WBP1L: variants seen among roughly 807,000 people sequenced by gnomAD.
WBP1L encodes the protein WW domain binding protein 1 like.
In WBP1L, 17 loss-of-function variants were observed where a neutral mutation model predicts 33.7. The observed-to-expected ratio is 0.50, with a 90% CI of 0.34 to 0.76. The LOEUF is 0.76. Among genes scored for constraint, WBP1L ranks in the 30% least tolerant of loss-of-function variants. The pLI, the probability that WBP1L is intolerant of heterozygous loss-of-function variation, is 0.01. For synonymous variants in WBP1L, 173 were observed against 190.8 expected (o/e 0.91, Z 0.77); for missense variants, 389 against 469.4 (o/e 0.83, Z 1.58).
At position 102,760,878 on chromosome 10, in the gene WBP1L, C is replaced by T. The variant is rs376905931; in HGVS notation, c.90+16735C>T. On this transcript the variant is annotated intron_variant, in intron 1 of 3. Transcript: ENST00000448841. ...CCAATATATAAATTGCAAATGTTTTCTCCCGTTCTGTTTTGCCCCCACTTT... is the reference window on the plus strand; with the variant it reads ...CCAATATATAAATTGCAAATGTTTTTTCCCGTTCTGTTTTGCCCCCACTTT... Among the ~76,000 whole-genome samples, 70 of 152,192 alleles carry T rather than the reference C, an allele frequency of 4.6e-4. No individual in the cohort carries two copies. The East Asian group carries it at 9.3e-3, about 20-fold the overall frequency.
At chr10:102,781,002 A>G (rs1843327522) in intron 1 of WBP1L, among the ~76,000 whole-genome samples, 1 of 152,210 alleles carries the variant, frequency 6.6e-6, no homozygotes, top group African/African-American at 2.4e-5. Flanking sequence ...AATAATACCC[A>G]TCAAAGCCCT....
chr10:102,787,494 G>A (rs538079020), intron 1 of WBP1L, among the ~76,000 whole-genome samples: 2 of 151,976 alleles, frequency 1.3e-5, no homozygotes, highest in African/African-American at 4.8e-5. Context: ...AGGCTGAGGT[G>A]GGAGGATTGC....
intron 1 of WBP1L, among the ~76,000 whole-genome samples, chr10:102,777,005 C>T (rs1183064415): frequency 6.6e-6 from 1 of 152,030 alleles, no homozygotes; most frequent in Admixed American, 6.6e-5. Context: ...CAAAAAGACC[C>T]CTGTGGCAGA....
chr10:102,763,076 T>C (rs772041323), intron 1 of WBP1L, among the ~76,000 whole-genome samples: 2 of 151,898 alleles, frequency 1.3e-5, no homozygotes, highest in Non-Finnish European at 1.5e-5. Flanking sequence ...GTGTGGCTCA[T>C]GCCTGTTGTC....
intron 1 of WBP1L, among the ~76,000 whole-genome samples, chr10:102,747,102 C>T (rs757679098): frequency 3.3e-5 from 5 of 151,974 alleles, no homozygotes; most frequent in Non-Finnish European, 5.9e-5. Flanking sequence ...GGTGGCTCAC[C>T]CCTGTAATCC....
rs973911961 is a variant in WBP1L at position 102,772,694 on chromosome 10, C to T, written c.91-25299C>T. Among the ~76,000 whole-genome samples, 14 of 149,748 alleles carry T rather than the reference C, an allele frequency of 9.3e-5. 1 individual carries two copies. The highest frequency in any genetic ancestry group is 1.5e-4 in the African/African-American group (6 of 39,944). ...AAGTGTCCCTCCCACCTCAGCTTCC[C>T]GAGTAGCTGAGACAACAGGCATGTG... is the stretch of plus-strand genomic sequence containing the variant. On this transcript the variant is annotated intron_variant, in intron 1 of 3. Transcript: ENST00000448841.
At chr10:102,811,126 GCCGGGCTCAGTGGCTCACA>G (rs199550612) in intron 3 of WBP1L, among the ~76,000 whole-genome samples, 1 of 152,010 alleles carries the variant, frequency 6.6e-6, no homozygotes, top group East Asian at 1.9e-4. Context: ...ACAATTGTGG[GCCGGGCTCAGTGGCTCACA>G]CCGGGCTCGG....
At chr10:102,783,283 C>T (rs370611248) in intron 1 of WBP1L, among the ~76,000 whole-genome samples, 19 of 152,194 alleles carry the variant, frequency 1.2e-4, no homozygotes, top group Middle Eastern at 3.2e-3. Flanking sequence ...GGTTCATTCT[C>T]GCACTGGTCA....
intron 1 of WBP1L, among the ~76,000 whole-genome samples, chr10:102,795,806 G>C (rs1240313211): frequency 6.6e-6 from 1 of 152,192 alleles, no homozygotes; most frequent in Non-Finnish European, 1.5e-5. Flanking sequence ...GAAACTTTCT[G>C]ATGTTTTTAT....
chr10:102,797,025 A>G (rs994429681), intron 1 of WBP1L, among the ~76,000 whole-genome samples: 7 of 152,220 alleles, frequency 4.6e-5, no homozygotes, highest in Non-Finnish European at 7.3e-5. Context: ...AAGGGACAGT[A>G]TGAATCCTGG....
At chr10:102,755,095 G>A (rs984399527) in intron 1 of WBP1L, among the ~76,000 whole-genome samples, 2 of 150,596 alleles carry the variant, frequency 1.3e-5, no homozygotes, top group South Asian at 2.1e-4. Flanking sequence ...GATTACAGGT[G>A]CGCACCACCA....
At chr10:102,756,911 AGAGTCTCGATCTGTT>A (rs1219684214) in intron 1 of WBP1L, among the ~76,000 whole-genome samples, 1 of 149,002 alleles carries the variant, frequency 6.7e-6, no homozygotes, top group East Asian at 2.0e-4. Context: ...TCTTTGAGAC[AGAGTCTCGATCTGTT>A]GCCCAGGCTG....
At chr10:102,779,852 G>C (rs773850448) in intron 1 of WBP1L, among the ~76,000 whole-genome samples, 1 of 152,254 alleles carries the variant, frequency 6.6e-6, no homozygotes, top group Non-Finnish European at 1.5e-5. Context: ...CTGAGAAGCC[G>C]ATATCTGATC....
At chr10:102,752,404 C>T (rs1842932954) in intron 1 of WBP1L, among the ~76,000 whole-genome samples, 1 of 152,152 alleles carries the variant, frequency 6.6e-6, no homozygotes, top group Non-Finnish European at 1.5e-5. Context: ...CTTTGATATG[C>T]CGAATCTCAC....
intron 1 of WBP1L, among the ~76,000 whole-genome samples, chr10:102,792,681 A>T (rs284842): frequency 0.52 from 77,771 of 148,854 alleles, 21,226 homozygotes; most frequent in Middle Eastern, 0.63. Flanking sequence ...CACAGCCTCC[A>T]CCTCCCGGGT....
intron 1 of WBP1L, among the ~76,000 whole-genome samples, chr10:102,783,488 G>A (rs1258781360): frequency 1.3e-5 from 2 of 152,196 alleles, no homozygotes; most frequent in Non-Finnish European, 2.9e-5. Flanking sequence ...CATCAGTCCT[G>A]CCCACGGGGA....
At chr10:102,788,631 A>G (rs576429937) in intron 1 of WBP1L, among the ~76,000 whole-genome samples, 22 of 152,248 alleles carry the variant, frequency 1.4e-4, no homozygotes, top group African/African-American at 5.1e-4. Flanking sequence ...CTTTATGAAA[A>G]CTGCGTTATC....
intron 1 of WBP1L, among the ~76,000 whole-genome samples, chr10:102,761,557 A>G (rs1407604521): frequency 6.6e-6 from 1 of 151,578 alleles, no homozygotes; most frequent in East Asian, 1.9e-4. Context: ...CCCAGGTTCA[A>G]GTGAGTCTCC....
At chr10:102,804,341 T>C (rs910942572) in intron 2 of WBP1L, among the ~76,000 whole-genome samples, 2 of 124,404 alleles carry the variant, frequency 1.6e-5, no homozygotes, top group African/African-American at 6.4e-5. Flanking sequence ...TGAGCCGAGA[T>C]CACACCACTC....
Sources: gnomAD v4.1 joint callset for allele counts (sites outside exome capture counted in the v4.1 genomes callset) on GRCh38, gnomAD v4.1.1 for gene constraint, MANE v1.5 for transcripts, NCBI Gene and HGNC (gene_info 2026-07-23, HGNC 2026-07-21) for gene names.